The following CAMK1D variants were observed in gnomAD, a reference collection of about 807,000 sequenced individuals.
CAMK1D encodes calcium/calmodulin dependent protein kinase ID, also known as calcium/calmodulin-dependent protein kinase type 1D.
A neutral mutation model predicts 47.7 loss-of-function variants in CAMK1D; 9 were observed. That is an observed-to-expected ratio of 0.19 (90% CI 0.11 to 0.33). CAMK1D has a LOEUF of 0.33. CAMK1D is among the 10% of genes least tolerant of loss of function. CAMK1D has a pLI of 1.00. For synonymous variants in CAMK1D, 184 were observed against 184.9 expected (o/e 0.99, Z 0.04); for missense variants, 291 against 488.7 (o/e 0.60, Z 3.81).
intron 1 of CAMK1D, among the ~76,000 whole-genome samples, chr10:12,387,383 A>ATTT (rs1564306861): frequency 3.2e-4 from 11 of 34,234 alleles, no homozygotes; most frequent in Non-Finnish European, 9.8e-4. Context: ...ATTATATATT[A>ATTT]TATATATTAT....
At chr10:12,560,263 C>T (rs934074481) in intron 2 of CAMK1D, among the ~76,000 whole-genome samples, 3 of 152,000 alleles carry the variant, frequency 2.0e-5, no homozygotes, top group African/African-American at 4.8e-5. Flanking sequence ...AGAAATTCAT[C>T]GATTGGGGTC....
At chr10:12,384,420 C>T (rs1838430461) in intron 1 of CAMK1D, among the ~76,000 whole-genome samples, 2 of 152,128 alleles carry the variant, frequency 1.3e-5, no homozygotes, top group Non-Finnish European at 2.9e-5. Flanking sequence ...AAAAGAAGAG[C>T]AAAGTTGGAT....
At chr10:12,501,103 A>T (rs530548175) in intron 1 of CAMK1D, among the ~76,000 whole-genome samples, 3 of 152,210 alleles carry the variant, frequency 2.0e-5, no homozygotes, top group African/African-American at 7.2e-5. Flanking sequence ...CTCGCCCTCA[A>T]CTCACTCCAT....
At chr10:12,417,701 C>A (rs562008503) in intron 1 of CAMK1D, among the ~76,000 whole-genome samples, 1 of 152,258 alleles carries the variant, frequency 6.6e-6, no homozygotes, top group African/African-American at 2.4e-5. Flanking sequence ...GCTGTGTAAG[C>A]AAGGAACACG....
intron 2 of CAMK1D, among the ~76,000 whole-genome samples, chr10:12,570,645 G>T (rs1000139144): frequency 5.7e-5 from 8 of 140,318 alleles, no homozygotes; most frequent in Non-Finnish European, 1.1e-4. Context: ...GCACCATTGT[G>T]CTCCAGCTTG....
intron 2 of CAMK1D, among the ~76,000 whole-genome samples, chr10:12,575,039 G>C (rs1484854074): frequency 6.6e-6 from 1 of 152,070 alleles, no homozygotes; most frequent in African/African-American, 2.4e-5. Flanking sequence ...TCCAACATGA[G>C]ATTTGGTGAG....
At position 12,349,924 on chromosome 10, in the gene CAMK1D, G is replaced by C. The variant is rs1837297342; in HGVS notation, c.92+14G>C. The C allele has an allele frequency of 1.3e-6, 2 of 1,496,234 alleles. No homozygotes were observed. The highest frequency in any genetic ancestry group is 2.9e-5 in the East Asian group (1 of 34,924). The allele number at this position is 1,496,234 out of a possible 1,614,324, so 92.7% of individuals were successfully genotyped here. A position where few individuals can be genotyped will look rare whatever the true frequency, so the allele number is the denominator to read the frequency against. On this transcript the variant is annotated intron_variant, in intron 1 of 10. Transcript: ENST00000619168. ...GACCCTCGGAACGTAAGTGGGGACC[G>C]GGGAGGCGAGGGTGGAGGTGGCCGC... is the stretch of plus-strand genomic sequence containing the variant.
At chr10:12,700,298 C>G (rs1464393834) in intron 3 of CAMK1D, among the ~76,000 whole-genome samples, 1 of 152,156 alleles carries the variant, frequency 6.6e-6, no homozygotes, top group African/African-American at 2.4e-5. Context: ...AACTTAGAAT[C>G]ATGGCAAAGG....
chr10:12,374,989 C>T (rs1466978300), intron 1 of CAMK1D, among the ~76,000 whole-genome samples: 1 of 150,794 alleles, frequency 6.6e-6, no homozygotes, highest in East Asian at 1.9e-4. Context: ...AGATGGGGGT[C>T]TCACTATGTG....
intron 5 of CAMK1D, among the ~76,000 whole-genome samples, chr10:12,787,739 C>T (rs1164531717): frequency 4.6e-5 from 7 of 152,234 alleles, no homozygotes; most frequent in African/African-American, 2.4e-5. Context: ...CGGTGGCTCA[C>T]GCCTGTAATC....
intron 2 of CAMK1D, among the ~76,000 whole-genome samples, chr10:12,648,296 T>G (rs2132503563): frequency 6.6e-6 from 1 of 152,222 alleles, no homozygotes; most frequent in African/African-American, 2.4e-5. Flanking sequence ...ACTAGAGACT[T>G]TTAAAAATGT....
chr10:12,746,193 TCTC>T (rs925559529), intron 3 of CAMK1D, among the ~76,000 whole-genome samples: 6 of 139,488 alleles, frequency 4.3e-5, no homozygotes, highest in Non-Finnish European at 8.8e-5. Context: ...TGAAACCCCG[TCTC>T]TACTAAAAAA....
intron 1 of CAMK1D, among the ~76,000 whole-genome samples, chr10:12,430,522 T>A (rs1832436154): frequency 6.6e-6 from 1 of 152,214 alleles, no homozygotes; most frequent in Admixed American, 6.5e-5. Flanking sequence ...ACTTTTTCCT[T>A]GTCCTGTCTG....
intron 5 of CAMK1D, among the ~76,000 whole-genome samples, chr10:12,787,727 C>T (rs552147630): frequency 4.6e-5 from 7 of 152,312 alleles, no homozygotes; most frequent in South Asian, 4.1e-4. Flanking sequence ...AGAGGCCGGG[C>T]GCGGTGGCTC....
intron 1 of CAMK1D, among the ~76,000 whole-genome samples, chr10:12,486,118 C>T (rs1031916923): frequency 1.3e-4 from 20 of 151,934 alleles, no homozygotes; most frequent in African/African-American, 3.9e-4. Flanking sequence ...CACACACACA[C>T]GTACACATGC....
At chr10:12,470,495 G>C (rs1386363845) in intron 1 of CAMK1D, among the ~76,000 whole-genome samples, 1 of 151,148 alleles carries the variant, frequency 6.6e-6, no homozygotes, top group East Asian at 1.9e-4. Flanking sequence ...TACTGTGTAT[G>C]CTTCTTCTTC....
intron 1 of CAMK1D, among the ~76,000 whole-genome samples, chr10:12,526,519 G>A (rs1451756057): frequency 6.6e-6 from 1 of 152,126 alleles, no homozygotes; most frequent in African/African-American, 2.4e-5. Flanking sequence ...GAAGATGGAT[G>A]TGTCTCAGAG....
chr10:12,567,857 C>T (rs567214365), intron 2 of CAMK1D, among the ~76,000 whole-genome samples: 4 of 152,010 alleles, frequency 2.6e-5, no homozygotes, highest in South Asian at 2.1e-4. Context: ...CCTCGAATTT[C>T]GAGCTTGAAT....
intron 10 of CAMK1D, among the ~76,000 whole-genome samples, chr10:12,826,832 C>A (rs1360112525): frequency 6.6e-6 from 1 of 152,230 alleles, no homozygotes; most frequent in Non-Finnish European, 1.5e-5. Context: ...CAAAGGGAAC[C>A]CCACGATGGA....
Sources: gnomAD v4.1 joint callset for allele counts (sites outside exome capture counted in the v4.1 genomes callset) on GRCh38, gnomAD v4.1.1 for gene constraint, MANE v1.5 for transcripts, NCBI Gene and HGNC (gene_info 2026-07-23, HGNC 2026-07-21) for gene names.